The following SIPA1L2 variants were observed in gnomAD, a reference collection of about 807,000 sequenced individuals.
SIPA1L2 encodes the protein signal-induced proliferation-associated 1-like protein 2.
A neutral mutation model predicts 163.9 loss-of-function variants in SIPA1L2; 56 were observed. The ratio of observed to expected loss-of-function variants is 0.34; its 90% CI spans 0.28 to 0.43. The LOEUF (loss-of-function observed/expected upper bound fraction) is 0.43. Among genes scored for constraint, SIPA1L2 ranks in the 20% least tolerant of loss-of-function variants. The probability of loss-of-function intolerance (pLI) is 1.00; values close to 1 mark genes in which losing one functional copy is unlikely to be tolerated. For synonymous variants in SIPA1L2, 877 were observed against 865.7 expected (o/e 1.01, Z -0.23); for missense variants, 1,974 against 2,193.5 (o/e 0.90, Z 2.00).
chr1:232,457,529 C>T (rs1663991879), intron 10 of SIPA1L2, among the ~76,000 whole-genome samples: 1 of 152,118 alleles, frequency 6.6e-6, no homozygotes, highest in Non-Finnish European at 1.5e-5. Flanking sequence ...AATATTTCTC[C>T]TCCCTCACAA....
chr1:232,540,965 A>G (rs1657621296), intron 2 of SIPA1L2, among the ~76,000 whole-genome samples: 1 of 152,182 alleles, frequency 6.6e-6, no homozygotes, highest in South Asian at 2.1e-4. Flanking sequence ...TGGAGCTGGA[A>G]GCCATTATCC....
rs16857401 is a variant in SIPA1L2 at position 232,485,174 on chromosome 1, A to C, written c.1807-1208T>G. On this transcript the variant is annotated intron_variant, in intron 5 of 22. Transcript: ENST00000674635. ...TCTGAATGCATTCCGATCTTGACTA[A>C]GTGCTATGAGAAGGCTATAAAAGGA... Among the ~76,000 whole-genome samples the C allele has an allele frequency of 0.037, 5,630 of 152,280 alleles. 978 individuals carry two copies. In the East Asian group the frequency reaches 0.57, roughly 15 times the overall value.
intron 2 of SIPA1L2, among the ~76,000 whole-genome samples, chr1:232,525,314 C>T (rs1667647810): frequency 7.0e-6 from 1 of 143,316 alleles, no homozygotes; most frequent in Non-Finnish European, 1.5e-5. Flanking sequence ...TGGCTCATGG[C>T]AACCTCCACC....
At chr1:232,519,823 T>C (rs557303588) in intron 2 of SIPA1L2, among the ~76,000 whole-genome samples, 2 of 152,350 alleles carry the variant, frequency 1.3e-5, no homozygotes, top group African/African-American at 4.8e-5. Context: ...TGCCTTATTC[T>C]AATTAAAGGC....
At chr1:232,553,155 T>A (rs943580518) in intron 2 of SIPA1L2, among the ~76,000 whole-genome samples, 1 of 152,138 alleles carries the variant, frequency 6.6e-6, no homozygotes, top group East Asian at 1.9e-4. Context: ...GCAGGATGGA[T>A]GAGGAGCTGG....
intron 1 of SIPA1L2, among the ~76,000 whole-genome samples, chr1:232,621,087 C>T (rs560498914): frequency 6.6e-6 from 1 of 152,188 alleles, no homozygotes. Context: ...GGCAAAGACT[C>T]GGGCTAAAAA....
intron 14 of SIPA1L2, among the ~76,000 whole-genome samples, chr1:232,440,622 C>T (rs1282895446): frequency 6.6e-6 from 1 of 152,204 alleles, no homozygotes; most frequent in African/African-American, 2.4e-5. Context: ...AGAAGAAAGA[C>T]ATAACTTAAT....
At chr1:232,426,421 G>C (rs1281617113) in intron 17 of SIPA1L2, among the ~76,000 whole-genome samples, 1 of 152,096 alleles carries the variant, frequency 6.6e-6, no homozygotes, top group Non-Finnish European at 1.5e-5. Context: ...AGCACTCTGG[G>C]AGGCAGAGGC....
chr1:232,486,629 A>T (rs1351384409), intron 5 of SIPA1L2, among the ~76,000 whole-genome samples: 7 of 152,328 alleles, frequency 4.6e-5, no homozygotes, highest in Non-Finnish European at 1.0e-4. Context: ...TTGCCAGGTG[A>T]AACTTAGGAG....
At chr1:232,473,459 T>C (rs1164851986) in intron 7 of SIPA1L2, among the ~76,000 whole-genome samples, 1 of 151,682 alleles carries the variant, frequency 6.6e-6, no homozygotes, top group Non-Finnish European at 1.5e-5. Flanking sequence ...CCCTCTCCAT[T>C]AAACACAGGG....
intron 3 of SIPA1L2, among the ~76,000 whole-genome samples, chr1:232,495,899 T>C (rs556295708): frequency 2.6e-5 from 4 of 152,348 alleles, no homozygotes; most frequent in African/African-American, 9.6e-5. Context: ...AAAGCATTTT[T>C]GTACAATTGT....
chr1:232,442,153 C>T (rs1662940345), intron 12 of SIPA1L2, among the ~76,000 whole-genome samples: 1 of 151,844 alleles, frequency 6.6e-6, no homozygotes, highest in Non-Finnish European at 1.5e-5. Context: ...AAGGACTGTC[C>T]AGGATCAAAC....
At chr1:232,556,222 C>T (rs1299666215) in intron 2 of SIPA1L2, among the ~76,000 whole-genome samples, 2 of 152,212 alleles carry the variant, frequency 1.3e-5, no homozygotes, top group African/African-American at 4.8e-5. Context: ...CTCAACTAAG[C>T]TTCTCTCATC....
At chr1:232,491,658 T>C (rs1665936365) in intron 4 of SIPA1L2, among the ~76,000 whole-genome samples, 1 of 152,118 alleles carries the variant, frequency 6.6e-6, no homozygotes, top group Admixed American at 6.6e-5. Context: ...ATGCAATGAA[T>C]ATTTGGAGCA....
intron 5 of SIPA1L2, among the ~76,000 whole-genome samples, chr1:232,485,997 G>C (rs551202805): frequency 6.6e-6 from 1 of 152,224 alleles, no homozygotes; most frequent in East Asian, 1.9e-4. Flanking sequence ...TTTACCTCCT[G>C]CTCACCTGAG....
chr1:232,519,039 A>G (rs1360140561), intron 2 of SIPA1L2, among the ~76,000 whole-genome samples: 1 of 152,262 alleles, frequency 6.6e-6, no homozygotes, highest in East Asian at 1.9e-4. Flanking sequence ...ATACCTATGA[A>G]TGGTTGTTAA....
chr1:232,424,694 T>G (rs943476988), intron 18 of SIPA1L2, among the ~76,000 whole-genome samples: 1 of 152,174 alleles, frequency 6.6e-6, no homozygotes, highest in African/African-American at 2.4e-5. Context: ...GATTAAGAAT[T>G]TTATGAGATA....
At chr1:232,488,720 G>C (rs185166687) in intron 5 of SIPA1L2, among the ~76,000 whole-genome samples, 26 of 152,312 alleles carry the variant, frequency 1.7e-4, no homozygotes, top group African/African-American at 5.8e-4. Flanking sequence ...GTAAATAGGT[G>C]TTCAGCAAAA....
intron 3 of SIPA1L2, among the ~76,000 whole-genome samples, chr1:232,497,808 T>A (rs1214521104): frequency 6.6e-6 from 1 of 152,178 alleles, no homozygotes; most frequent in Non-Finnish European, 1.5e-5. Context: ...TCTCTGTCTT[T>A]ATACTTATAT....
Sources: allele counts gnomAD v4.1 joint callset (sites outside exome capture counted in the v4.1 genomes callset), GRCh38; gene constraint gnomAD v4.1.1; transcripts MANE v1.5; gene names NCBI Gene and HGNC (gene_info 2026-07-23, HGNC 2026-07-21).